Variants in CNTNAP2 observed in about 807,000 individuals in gnomAD.
The protein encoded by CNTNAP2 is contactin-associated protein-like 2.
CNTNAP2 carries 98 observed loss-of-function variants against 155.2 expected under a neutral mutation model. The observed-to-expected ratio is 0.63, with a 90% CI of 0.54 to 0.75. CNTNAP2 has a LOEUF of 0.75. Among genes scored for constraint, CNTNAP2 ranks in the 30% least tolerant of loss-of-function variants. CNTNAP2 has a pLI of 0.00. For missense variants in CNTNAP2, 1,727 were observed against 1,688.1 expected, an observed-to-expected ratio of 1.02 and a Z score of -0.40; for synonymous variants, 651 against 631.2, an observed-to-expected ratio of 1.03 and a Z score of -0.47.
intron 13 of CNTNAP2, among the ~76,000 whole-genome samples, chr7:147,784,287 C>A (rs547955492): frequency 1.3e-5 from 2 of 149,370 alleles, no homozygotes; most frequent in East Asian, 4.0e-4. Flanking sequence ...CACTATTCAA[C>A]CCATAACAAT....
At chr7:148,012,098 G>A (rs1254613522) in intron 15 of CNTNAP2, among the ~76,000 whole-genome samples, 3 of 152,050 alleles carry the variant, frequency 2.0e-5, no homozygotes, top group Non-Finnish European at 4.4e-5. Flanking sequence ...TTATTTCTTT[G>A]TTTAAGAGGG....
intron 3 of CNTNAP2, among the ~76,000 whole-genome samples, chr7:146,883,693 T>C (rs1236696426): frequency 6.6e-6 from 1 of 152,134 alleles, no homozygotes; most frequent in Non-Finnish European, 1.5e-5. Context: ...TTATAATAAA[T>C]GTACTAAAGA....
At chr7:146,308,965 C>T (rs895930209) in intron 1 of CNTNAP2, among the ~76,000 whole-genome samples, 1 of 151,766 alleles carries the variant, frequency 6.6e-6, no homozygotes, top group African/African-American at 2.4e-5. Context: ...ACCACAGAAC[C>T]TAAATTATAA....
chr7:148,015,496 A>G (rs1278293535), intron 15 of CNTNAP2, among the ~76,000 whole-genome samples: 1 of 152,244 alleles, frequency 6.6e-6, no homozygotes, highest in African/African-American at 2.4e-5. Context: ...AGTGTCACAG[A>G]GAACGAGCAT....
chr7:147,388,181 G>A (rs1348024224), intron 9 of CNTNAP2, among the ~76,000 whole-genome samples: 1 of 151,814 alleles, frequency 6.6e-6, no homozygotes, highest in African/African-American at 2.4e-5. Context: ...TATGCAAATT[G>A]CCCTTAATTT....
chr7:147,616,777 A>C (rs1801301968), intron 12 of CNTNAP2, among the ~76,000 whole-genome samples: 1 of 152,126 alleles, frequency 6.6e-6, no homozygotes, highest in African/African-American at 2.4e-5. Context: ...CTAGACTGTA[A>C]GTTGCCTGAG....
At chr7:148,371,619 C>T (rs1798887414) in intron 21 of CNTNAP2, among the ~76,000 whole-genome samples, 1 of 152,194 alleles carries the variant, frequency 6.6e-6, no homozygotes, top group African/African-American at 2.4e-5. Context: ...CACTGTTCAT[C>T]TCATGATTAA....
chr7:146,965,002 C>G (rs1488682073), intron 3 of CNTNAP2, among the ~76,000 whole-genome samples: 1 of 152,102 alleles, frequency 6.6e-6, no homozygotes, highest in Non-Finnish European at 1.5e-5. Context: ...TGCTACTCCC[C>G]TCCTGGAGCT....
At chr7:147,330,848 T>A (rs1019189954) in intron 9 of CNTNAP2, among the ~76,000 whole-genome samples, 3 of 152,142 alleles carry the variant, frequency 2.0e-5, no homozygotes. Flanking sequence ...AACATCAAAC[T>A]ACGCTTATCA....
At chr7:147,175,262 C>CT (rs56744213) in intron 8 of CNTNAP2, among the ~76,000 whole-genome samples, 9 of 151,676 alleles carry the variant, frequency 5.9e-5, no homozygotes, top group African/African-American at 1.9e-4. Flanking sequence ...CCCTTCTGCT[C>CT]TTTTTTTGTA....
chr7:147,624,984 T>G (rs923351505), intron 12 of CNTNAP2, among the ~76,000 whole-genome samples: 7 of 152,146 alleles, frequency 4.6e-5, no homozygotes, highest in African/African-American at 1.7e-4. Context: ...GATCATTATG[T>G]TAAGTGAAAT....
chr7:147,057,122 T>A (rs1166749534), intron 4 of CNTNAP2, among the ~76,000 whole-genome samples: 3 of 152,072 alleles, frequency 2.0e-5, no homozygotes, highest in Non-Finnish European at 4.4e-5. Context: ...TTCAACAGCG[T>A]CTAAGTTAAA....
chr7:147,010,204 T>C (rs769676918), intron 3 of CNTNAP2, among the ~76,000 whole-genome samples: 2 of 151,912 alleles, frequency 1.3e-5, no homozygotes, highest in Non-Finnish European at 2.9e-5. Context: ...GAGACACGGT[T>C]TCCCCATGTT....
At chr7:147,421,656 T>C (rs549002731) in intron 10 of CNTNAP2, among the ~76,000 whole-genome samples, 1 of 151,366 alleles carries the variant, frequency 6.6e-6, no homozygotes, top group African/African-American at 2.4e-5. Flanking sequence ...CATCTATAGA[T>C]ATTGATATAG....
rs142558200 is a variant in CNTNAP2 at position 147,042,434 on chromosome 7, C to G, written c.403-1473C>G. On this transcript the variant is annotated intron_variant, in intron 3 of 23. Transcript: ENST00000361727. ...ATTACACATTTTGTATTTCGGAGCGCAGGAATTTGACCGGGGAATGCGGGT... is the reference window on the plus strand; with the variant it reads ...ATTACACATTTTGTATTTCGGAGCGGAGGAATTTGACCGGGGAATGCGGGT... Among the ~76,000 whole-genome samples the G allele has an allele frequency of 5.3e-3, 802 of 152,214 alleles. 5 individuals carry two copies. Among genetic ancestry groups the G allele is most frequent in the Non-Finnish European group, 8.6e-3 (583 of 68,016 alleles).
chr7:147,634,376 C>G lies in CNTNAP2; in HGVS notation c.1898-4730C>G, dbSNP rs141147963. ...AATGGAAAACCAAATATTGTATGTTCTCACTTGTAAGTGGGAGCTAATCTA... is the reference window on the plus strand; with the variant it reads ...AATGGAAAACCAAATATTGTATGTTGTCACTTGTAAGTGGGAGCTAATCTA... On this transcript the variant is annotated intron_variant, in intron 12 of 23. Coordinates refer to ENST00000361727, the MANE Select transcript of CNTNAP2 (RefSeq NM_014141.6). 2.4e-3 allele frequency among the ~76,000 whole-genome samples: 366 copies of G among 152,254 alleles called. 1 individual carries two copies. Among genetic ancestry groups the G allele is most frequent in the African/African-American group, 8.4e-3 (351 of 41,564 alleles).
intron 4 of CNTNAP2, among the ~76,000 whole-genome samples, chr7:147,059,005 A>C (rs1799614121): frequency 1.3e-5 from 2 of 152,200 alleles, no homozygotes; most frequent in South Asian, 2.1e-4. Flanking sequence ...GTGACACCAC[A>C]CAATACCACT....
chr7:146,738,112 T>C (rs1381630193), intron 1 of CNTNAP2, among the ~76,000 whole-genome samples: 1 of 152,080 alleles, frequency 6.6e-6, no homozygotes, highest in Admixed American at 6.6e-5. Flanking sequence ...TTCACAATTG[T>C]ACTAATTTAT....
chr7:147,527,622 T>C (rs934897482), intron 11 of CNTNAP2, among the ~76,000 whole-genome samples: 11 of 152,202 alleles, frequency 7.2e-5, no homozygotes, highest in African/African-American at 2.7e-4. Context: ...AGTAGCCACA[T>C]TACATAGCAG....
Sources: allele counts gnomAD v4.1 joint callset (sites outside exome capture counted in the v4.1 genomes callset), GRCh38; gene constraint gnomAD v4.1.1; transcripts MANE v1.5; gene names NCBI Gene and HGNC (gene_info 2026-07-23, HGNC 2026-07-21).